Variants in SOX5 observed in about 807,000 individuals in gnomAD.
The protein encoded by SOX5 is transcription factor SOX-5.
In SOX5, 9 loss-of-function variants were observed where a neutral mutation model predicts 92.0. That is an observed-to-expected ratio of 0.10 (90% CI 0.06 to 0.17). The LOEUF is 0.17. Among genes scored for constraint, SOX5 ranks in the 10% least tolerant of loss-of-function variants. The pLI is 1.00. For synonymous variants in SOX5, 344 were observed against 336.3 expected, an observed-to-expected ratio of 1.02 and a Z score of -0.25; for missense variants, 642 against 944.5, an observed-to-expected ratio of 0.68 and a Z score of 4.20.
intron 3 of SOX5, among the ~76,000 whole-genome samples, chr12:23,813,367 A>T (rs1321106764): frequency 1.3e-5 from 2 of 152,152 alleles, no homozygotes; most frequent in East Asian, 3.9e-4. Context: ...TAACTAAACC[A>T]GCAGCCATCT....
intron 1 of SOX5, among the ~76,000 whole-genome samples, chr12:24,525,610 G>T (rs1413787176): frequency 6.6e-6 from 1 of 152,174 alleles, no homozygotes; most frequent in Non-Finnish European, 1.5e-5. Flanking sequence ...GGTGGCTCAC[G>T]CCTGTAATCC....
At chr12:23,883,498 A>T (rs2097023933) in intron 2 of SOX5, among the ~76,000 whole-genome samples, 1 of 152,250 alleles carries the variant, frequency 6.6e-6, no homozygotes, top group Admixed American at 6.5e-5. Flanking sequence ...AGTGCTCGCT[A>T]TGTGCCAGGC....
intron 3 of SOX5, among the ~76,000 whole-genome samples, chr12:23,756,803 T>C (rs942907172): frequency 4.6e-5 from 7 of 151,894 alleles, no homozygotes; most frequent in South Asian, 2.1e-4. Flanking sequence ...AGGGAGTACA[T>C]GTTAACTTAT....
intron 6 of SOX5, among the ~76,000 whole-genome samples, chr12:23,711,277 C>T (rs1027897221): frequency 2.0e-5 from 3 of 152,104 alleles, no homozygotes; most frequent in African/African-American, 7.2e-5. Context: ...TCACATTACA[C>T]CATAGGGTTG....
intron 3 of SOX5, among the ~76,000 whole-genome samples, chr12:23,790,581 A>G (rs892627307): frequency 7.8e-6 from 1 of 128,230 alleles, no homozygotes; most frequent in South Asian, 2.7e-4. Flanking sequence ...CACACACACG[A>G]AAGTTCTGTG....
intron 2 of SOX5, among the ~76,000 whole-genome samples, chr12:24,292,473 C>T (rs1026937238): frequency 3.9e-5 from 6 of 152,174 alleles, no homozygotes; most frequent in African/African-American, 1.4e-4. Context: ...AGATACATTA[C>T]ACTTATGTAC....
chr12:23,540,382 AATAAT>A (rs1323772669), intron 13 of SOX5, among the ~76,000 whole-genome samples: 1 of 146,860 alleles, frequency 6.8e-6, no homozygotes, highest in Admixed American at 6.8e-5. Flanking sequence ...TAATAATAAT[AATAAT>A]AATAATAATA....
Position 23,708,804 on chromosome 12 carries a change from G to A in SOX5, c.810+25880C>T, listed in dbSNP as rs12321946. ...AAATGAACTCAAAGTTTTGAAGTTAGATGATTGGGAGACTGGTGATAATAT... is the reference window on the plus strand; with the variant it reads ...AAATGAACTCAAAGTTTTGAAGTTAAATGATTGGGAGACTGGTGATAATAT... On this transcript the variant is annotated intron_variant, in intron 6 of 14. Coordinates refer to ENST00000451604, the MANE Select transcript of SOX5 (RefSeq NM_006940.6). Among the ~76,000 whole-genome samples, 145 of 152,310 alleles carry A rather than the reference G, an allele frequency of 9.5e-4. 1 individual carries two copies. The highest frequency in any genetic ancestry group is 3.2e-3 in the African/African-American group (135 of 41,578).
At chr12:23,713,751 G>A (rs949843683) in intron 6 of SOX5, among the ~76,000 whole-genome samples, 23 of 145,846 alleles carry the variant, frequency 1.6e-4, no homozygotes, top group East Asian at 3.9e-4. Flanking sequence ...ATATATATGC[G>A]TGTGTGTATA....
intron 4 of SOX5, among the ~76,000 whole-genome samples, chr12:24,035,593 A>G (rs1955948578): frequency 6.6e-6 from 1 of 152,134 alleles, no homozygotes; most frequent in Non-Finnish European, 1.5e-5. Flanking sequence ...ATCCAGGAAT[A>G]GTGATCATAA....
At chr12:24,158,625 A>G (rs1322885423) in intron 4 of SOX5, among the ~76,000 whole-genome samples, 2 of 152,016 alleles carry the variant, frequency 1.3e-5, no homozygotes, top group African/African-American at 4.8e-5. Flanking sequence ...CTTGAAAACA[A>G]CAAACTTATT....
intron 4 of SOX5, among the ~76,000 whole-genome samples, chr12:23,967,279 T>C (rs1947702024): frequency 6.6e-6 from 1 of 152,084 alleles, no homozygotes; most frequent in Non-Finnish European, 1.5e-5. Flanking sequence ...CTGTTTAAAA[T>C]AGATGCATTA....
intron 1 of SOX5, among the ~76,000 whole-genome samples, chr12:24,543,138 C>A (rs1390274619): frequency 6.6e-6 from 1 of 152,182 alleles, no homozygotes; most frequent in Non-Finnish European, 1.5e-5. Context: ...AACAGTCCAG[C>A]TACCACTCAC....
chr12:24,398,809 C>T (rs929483808), intron 1 of SOX5, among the ~76,000 whole-genome samples: 4 of 152,072 alleles, frequency 2.6e-5, no homozygotes, highest in East Asian at 1.9e-4. Context: ...CTTCTGTCTC[C>T]GTGTATTTCA....
intron 3 of SOX5, among the ~76,000 whole-genome samples, chr12:23,777,923 AGC>A (rs2095158319): frequency 6.6e-6 from 1 of 152,174 alleles, no homozygotes; most frequent in Non-Finnish European, 1.5e-5. Context: ...TCATGGTTTG[AGC>A]ATCTCACTGT....
chr12:24,139,433 G>GA lies in SOX5; in HGVS notation c.-2+73909dup, dbSNP rs1458344001. On this transcript the variant is annotated intron_variant, in intron 4 of 4. Transcript: ENST00000446891. Reference sequence around the variant, plus strand: ...TAACAGGATGGAAAAATGGAAAAAGGAAAAAAACTCTTAAATAAAATTAGG... The same window carrying GA: ...TAACAGGATGGAAAAATGGAAAAAGGAAAAAAAACTCTTAAATAAAATTAGG... Among the ~76,000 whole-genome samples, 13 of 152,164 alleles carry GA rather than the reference G, an allele frequency of 8.5e-5. No individual in the cohort carries two copies. The South Asian group carries it at 1.2e-3, about 15-fold the overall frequency.
intron 4 of SOX5, among the ~76,000 whole-genome samples, chr12:24,205,587 C>T (rs1175431866): frequency 6.6e-6 from 1 of 152,154 alleles, no homozygotes; most frequent in Non-Finnish European, 1.5e-5. Context: ...AAATAGGAAC[C>T]TTCCTCATAC....
intron 4 of SOX5, among the ~76,000 whole-genome samples, chr12:24,128,879 G>A (rs1367226916): frequency 6.6e-6 from 1 of 152,172 alleles, no homozygotes; most frequent in Admixed American, 6.5e-5. Context: ...AAGTGGCCAG[G>A]TGGGAAACTA....
At chr12:24,147,141 A>G (rs1349987666) in intron 4 of SOX5, among the ~76,000 whole-genome samples, 2 of 152,206 alleles carry the variant, frequency 1.3e-5, no homozygotes, top group South Asian at 4.1e-4. Context: ...TGAGGCCAGT[A>G]TACCTTGATA....
Sources: allele counts gnomAD v4.1 joint callset (sites outside exome capture counted in the v4.1 genomes callset), GRCh38; gene constraint gnomAD v4.1.1; transcripts MANE v1.5; gene names NCBI Gene and HGNC (gene_info 2026-07-23, HGNC 2026-07-21).